The following UAP1L1 variants were observed in gnomAD, a reference collection of about 807,000 sequenced individuals.
The protein encoded by UAP1L1 is UDP-N-acetylhexosamine pyrophosphorylase-like protein 1.
A neutral mutation model predicts 45.3 loss-of-function variants in UAP1L1; 45 were observed. The ratio of observed to expected loss-of-function variants is 0.99; its 90% CI spans 0.78 to 1.27. The LOEUF is 1.27. Ranked by LOEUF, UAP1L1 falls within the 50% of genes most tolerant of loss-of-function variation. The pLI, the probability that UAP1L1 is intolerant of heterozygous loss-of-function variation, is 0.00. For missense variants in UAP1L1, 667 were observed against 694.0 expected, an observed-to-expected ratio of 0.96 and a Z score of 0.44; for synonymous variants, 323 against 303.9, an observed-to-expected ratio of 1.06 and a Z score of -0.65.
At position 137,078,956 on chromosome 9, in the gene UAP1L1, A is replaced by G. The variant is rs1832741470; in HGVS notation, c.671-20A>G. Reference sequence around the variant, plus strand: ...CCTGGCGGGAGCCCTCGCGATGCCCATTCCCTTCTCCGTCTGCAGACGGCA... The same window carrying G: ...CCTGGCGGGAGCCCTCGCGATGCCCGTTCCCTTCTCCGTCTGCAGACGGCA... On this transcript the variant is annotated intron_variant, in intron 3 of 8. Coordinates refer to ENST00000409858, the MANE Select transcript of UAP1L1 (RefSeq NM_207309.3). The G allele has an allele frequency of 1.3e-6, 2 of 1,574,186 alleles. No homozygotes were observed. Among genetic ancestry groups the G allele is most frequent in the South Asian group, 1.2e-5 (1 of 85,256 alleles).
In UAP1L1 at chr9:137,078,129, C is replaced by T. The variant is rs779767315; in HGVS notation, c.369C>T (p.Tyr123=). 1.5e-5 allele frequency: 24 copies of T among 1,550,132 alleles called. No individual in the cohort carries two copies. Among genetic ancestry groups the T allele is most frequent in the Middle Eastern group, 1.7e-4 (1 of 5,990 alleles). Residue 123 remains tyrosine, a synonymous_variant, in exon 2 of 9, where the codon TAC becomes TAT. Coordinates refer to ENST00000409858, the MANE Select transcript of UAP1L1 (RefSeq NM_207309.3). ...AGGGCACTCGCCTGGGCGTGACCTA[C>T]CCCAAGGGTATGTACCGTGTGGGGC... is the stretch of plus-strand genomic sequence containing the variant. ...GGQGTRLGVT[Y]PKGMYRVGLP...
Position 137,079,444 on chromosome 9 carries a change from C to T in UAP1L1, c.1032C>T (p.Val344=). The change falls in exon 5 of 9, where the codon GTC becomes GTT. Residue 344 remains valine, a synonymous_variant. Coordinates refer to ENST00000409858, the MANE Select transcript of UAP1L1 (RefSeq NM_207309.3). The part of the protein sequence containing the change: ...HFFTRGFLKA[V]TREFEPLLKP... ...TCACCCGAGGCTTCCTTAAGGCGGT[C>T]ACCAGGTGTGCGGCAGCAGGTGGCT... The T allele has an allele frequency of 6.3e-7, 1 of 1,584,814 alleles. No individual in the cohort carries two copies.
chr9:137,080,255 G>T, intron 6 of UAP1L1, 113 bp downstream of exon 6: 1 of 1,414,244 alleles, frequency 7.1e-7, no homozygotes, highest in Non-Finnish European at 9.8e-7. Flanking sequence ...AGGGCCCCGC[G>T]GGCAAGTCTC....
chr9:137,084,095 TGCTGTGCCTTAGGGCCCTTCTCATA>T lies in UAP1L1; in HGVS notation c.*1372_*1396del, dbSNP rs1175556715. ...GCTCTGCCCTTCTTACTGCAAACCA[TGCTGTGCCTTAGGGCCCTTCTCATA>T]GCTGTTCCTCATGGCCATGACTGGA... On this transcript the variant is annotated 3_prime_UTR_variant, in exon 9 of 9. Coordinates refer to ENST00000409858, the MANE Select transcript of UAP1L1 (RefSeq NM_207309.3). 1 of 152,368 alleles carries T rather than the reference TGCTGTGCCTTAGGGCCCTTCTCATA, an allele frequency of 6.6e-6. No homozygotes were observed. Among genetic ancestry groups the T allele is most frequent in the African/African-American group, 2.4e-5 (1 of 41,470 alleles). 9.4% of individuals were successfully genotyped at this position (152,368 alleles called of 1,614,324 possible).
At chr9:137,078,954 C>T (rs1474195138) in intron 3 of UAP1L1, 22 bp from the exon 4 acceptor site, 2 of 1,573,214 alleles carry the variant, frequency 1.3e-6, no homozygotes, top group African/African-American at 1.4e-5. Context: ...CTCGCGATGC[C>T]CATTCCCTTC....
intron 7 of UAP1L1, among the ~76,000 whole-genome samples, chr9:137,081,212 T>C (rs941036036): frequency 3.9e-5 from 6 of 152,072 alleles, no homozygotes; most frequent in African/African-American, 1.5e-4. Context: ...TTTTATTTAC[T>C]TTTTTGAGAT....
Position 137,078,262 on chromosome 9 carries a change from C to A in UAP1L1, c.494+8C>A, listed in dbSNP as rs1288397250. The A allele has an allele frequency of 8.5e-6, 13 of 1,534,100 alleles. No homozygotes were observed. The Admixed American group carries it at 1.0e-4, about 12-fold the overall frequency. On this transcript the variant is annotated splice_region_variant and intron_variant, in intron 2 of 8. Coordinates refer to ENST00000409858, the MANE Select transcript of UAP1L1 (RefSeq NM_207309.3). ...CCGCTGCACCGTCCCCTGGTGTGTC[C>A]TGCCTGCCCTACCTCGGCCCGGAGG... is the stretch of plus-strand genomic sequence containing the variant.
In UAP1L1 at chr9:137,077,745, G is replaced by A; in HGVS notation, c.213G>A (p.Leu71=). ...HGPPPDLAAR[L]RPLPPERVGR... ...CGCCGCCCGACTTGGCCGCGCGCCT[G>A]CGGCCCCTGCCCCCAGAGCGCGTGG... Residue 71 remains leucine (L), a synonymous_variant, in exon 1 of 9, where the codon CTG becomes CTA. Transcript: ENST00000409858. This position sits in a 1 kb window ranked among gnomAD's most constrained non-coding sequence, Gnocchi z 4.7. 2.5e-6 allele frequency: 3 copies of A among 1,207,806 alleles called. No homozygotes were observed. Among genetic ancestry groups the A allele is most frequent in the Non-Finnish European group, 3.1e-6 (3 of 972,790 alleles). The allele number at this position is 1,207,806 out of a possible 1,614,324, so 74.8% of individuals were successfully genotyped here. A position where few individuals can be genotyped will look rare whatever the true frequency, so the allele number is the denominator to read the frequency against.
At position 137,082,008 on chromosome 9, in the gene UAP1L1, A is replaced by G; in HGVS notation, c.1375A>G (p.Asn459Asp). 1 of 1,613,976 alleles carries G rather than the reference A, an allele frequency of 6.2e-7. No individual in the cohort carries two copies. The highest frequency in any genetic ancestry group is 2.2e-5 in the East Asian group (1 of 44,882). ...GTGGACTTTCCCTAGCTTGCCCCCA[A>G]ATGGAGACCCTCCGGCCATCTGTGA... ...WLPELPSLPP[N>D]GDPPAICEIS... Residue 459 changes from asparagine (N) to aspartate (D), a missense_variant, in exon 8 of 9, where the codon AAT (asparagine) becomes GAT (aspartate). Physicochemically the swap from Asn to Asp is conservative, Grantham distance 23. Coordinates refer to ENST00000409858, the MANE Select transcript of UAP1L1 (RefSeq NM_207309.3). This position sits in a 1 kb window ranked among gnomAD's most constrained non-coding sequence, Gnocchi z 5.7.
chr9:137,080,825 G>A lies in UAP1L1; in HGVS notation c.1315G>A (p.Gly439Arg), dbSNP rs763913675. The A allele has an allele frequency of 7.0e-5, 112 of 1,608,470 alleles. No individual in the cohort carries two copies. The highest frequency in any genetic ancestry group is 9.9e-5 in the South Asian group (9 of 90,976). The change falls in exon 7 of 9, where the codon GGG (glycine) becomes AGG (arginine). Residue 439 changes from glycine (G) to arginine (R), a missense_variant. By Grantham distance (125) the Gly-to-Arg change is moderately radical. Coordinates refer to ENST00000409858, the MANE Select transcript of UAP1L1 (RefSeq NM_207309.3). ...GCACTACCGGTGGGCTCTGCGGGCC[G>A]GGGCCCGCTTCCTGGATGCCCATGG... ...TQHYRWALRA[G>R]ARFLDAHGAW...
chr9:137,078,502 G>T lies in UAP1L1; in HGVS notation c.495G>T (p.Trp165Cys). The T allele has an allele frequency of 6.2e-7, 1 of 1,613,024 alleles. No individual in the cohort carries two copies. The highest frequency in any genetic ancestry group is 2.2e-5 in the East Asian group (1 of 44,886). The change falls in exon 3 of 9, where the codon TGG (tryptophan) becomes TGT (cysteine). Residue 165 changes from tryptophan (W) to cysteine (C), a missense_variant and splice_region_variant. Coordinates refer to ENST00000409858, the MANE Select transcript of UAP1L1 (RefSeq NM_207309.3). ...CCGGCTCACCGCGCCTCCCTTGCAG[G>T]TACGTCATGACCAGCGAGTTCACTC... ...ERHGTRCTVP[W>C]YVMTSEFTLG...
Position 137,082,798 on chromosome 9 carries a change from C to T in UAP1L1, c.*69C>T, listed in dbSNP as rs776659600. ...CGGCATCCTGGAAGTCCCGACTCCC[C>T]CCAGACCTGCCAGCCCCGGCGTCCT... On this transcript the variant is annotated 3_prime_UTR_variant, in exon 9 of 9. Transcript: ENST00000409858. The surrounding 1 kb of genome is among the most constrained non-coding windows in gnomAD (Gnocchi z 5.7). 9.1e-6 allele frequency: 12 copies of T among 1,320,452 alleles called. No individual in the cohort carries two copies. The East Asian group carries it at 1.3e-4, about 14-fold the overall frequency. 81.8% of individuals were successfully genotyped at this position (1,320,452 alleles called of 1,614,324 possible).
In UAP1L1 at chr9:137,082,594, C is replaced by A. The variant is rs1405017250; in HGVS notation, c.1432-43C>A. ...GTGTGGCCAGAGGGGCTGTGACCCG[C>A]CAAAAGGTGGGTACTTGGCCATTGT... On this transcript the variant is annotated intron_variant, in intron 8 of 8. Transcript: ENST00000409858. The surrounding 1 kb of genome is among the most constrained non-coding windows in gnomAD (Gnocchi z 5.7). The A allele has an allele frequency of 1.3e-5, 19 of 1,513,384 alleles. No individual in the cohort carries two copies. The highest frequency in any genetic ancestry group is 1.4e-5 in the Non-Finnish European group (16 of 1,113,124). The allele number at this position is 1,513,384 out of a possible 1,614,324, so 93.7% of individuals were successfully genotyped here. A position where few individuals can be genotyped will look rare whatever the true frequency, so the allele number is the denominator to read the frequency against.
Position 137,082,400 on chromosome 9 carries a change from A to G in UAP1L1, c.1432-237A>G. The G allele has an allele frequency of 6.8e-6, 4 of 588,310 alleles. No individual in the cohort carries two copies. Among genetic ancestry groups the G allele is most frequent in the Non-Finnish European group, 9.1e-6 (3 of 329,994 alleles). The allele number at this position is 588,310 out of a possible 1,614,324, so 36.4% of individuals were successfully genotyped here. A position where few individuals can be genotyped will look rare whatever the true frequency, so the allele number is the denominator to read the frequency against. On this transcript the variant is annotated intron_variant, in intron 8 of 8. Coordinates refer to ENST00000409858, the MANE Select transcript of UAP1L1 (RefSeq NM_207309.3). The surrounding 1 kb of genome is among the most constrained non-coding windows in gnomAD (Gnocchi z 5.7). ...GCTGCCCTTGCCCCTTTCTCTGGTC[A>G]GGTCAGACCTGTGCGTGACAGGAGG...
At position 137,078,157 on chromosome 9, in the gene UAP1L1, C is replaced by A. The variant is rs1564266006; in HGVS notation, c.397C>A (p.Pro133Thr). ...YPKGMYRVGL[P>T]SRKTLYQLQA... ...CAAGGGTATGTACCGTGTGGGGCTG[C>A]CCAGCCGGAAGACCCTGTACCAGCT... Residue 133 changes from proline to threonine, a missense_variant, in exon 2 of 9, where the codon CCC becomes ACC. Transcript: ENST00000409858. 2 of 1,549,930 alleles carry A rather than the reference C, an allele frequency of 1.3e-6. No homozygotes were observed. Among genetic ancestry groups the A allele is most frequent in the Non-Finnish European group, 1.7e-6 (2 of 1,146,848 alleles).
At position 137,077,689 on chromosome 9, in the gene UAP1L1, G is replaced by T; in HGVS notation, c.157G>T (p.Ala53Ser). The T allele has an allele frequency of 8.7e-7, 1 of 1,153,378 alleles. No homozygotes were observed. Among genetic ancestry groups the T allele is most frequent in the East Asian group, 4.3e-5 (1 of 23,016 alleles). 71.4% of individuals were successfully genotyped at this position (1,153,378 alleles called of 1,614,324 possible). ...PEALREHCRRAAEACARPHGP... is the reference protein window; with the variant it reads ...PEALREHCRRSAEACARPHGP... ...GGCGCTGCGCGAGCACTGCCGGCGG[G>T]CGGCGGAGGCCTGCGCGCGCCCCCA... Residue 53 changes from alanine to serine, a missense_variant, in exon 1 of 9, where the codon GCG becomes TCG. Ala to Ser is a moderately conservative substitution (Grantham distance 99, BLOSUM62 1). Coordinates refer to ENST00000409858, the MANE Select transcript of UAP1L1 (RefSeq NM_207309.3). The surrounding 1 kb of genome is among the most constrained non-coding windows in gnomAD (Gnocchi z 4.7).
rs1354219426 is a variant in UAP1L1 at position 137,082,406 on chromosome 9, G to A, written c.1432-231G>A. On this transcript the variant is annotated intron_variant, in intron 8 of 8. Transcript: ENST00000409858. The surrounding 1 kb of genome is among the most constrained non-coding windows in gnomAD (Gnocchi z 5.7). ...CTTGCCCCTTTCTCTGGTCAGGTCA[G>A]ACCTGTGCGTGACAGGAGGGTCCCC... 1 of 595,696 alleles carries A rather than the reference G, an allele frequency of 1.7e-6. No individual in the cohort carries two copies. The highest frequency in any genetic ancestry group is 3.0e-6 in the Non-Finnish European group (1 of 334,382). 36.9% of individuals were successfully genotyped at this position (595,696 alleles called of 1,614,324 possible). A position where few individuals can be genotyped will look rare whatever the true frequency, so the allele number is the denominator to read the frequency against.
Position 137,079,329 on chromosome 9 carries a change from A to G in UAP1L1, c.917A>G (p.Glu306Gly), listed in dbSNP as rs759022467. The change falls in exon 5 of 9, where the codon GAG becomes GGG. Residue 306 changes from glutamate (E) to glycine (G), a missense_variant. By Grantham distance (98) the Glu-to-Gly change is moderately conservative (BLOSUM62 -2). Coordinates refer to ENST00000409858, the MANE Select transcript of UAP1L1 (RefSeq NM_207309.3). ...GTGGACGGTGTCCCCCAGGTGGTGG[A>G]GTACAGCGAGATCAGTCCTGAGACC... ...CQVDGVPQVVEYSEISPETAQ... is the reference protein window; with the variant it reads ...CQVDGVPQVVGYSEISPETAQ... 1.2e-6 allele frequency: 2 copies of G among 1,613,076 alleles called. No homozygotes were observed. The highest frequency in any genetic ancestry group is 1.7e-6 in the Non-Finnish European group (2 of 1,179,888).
chr9:137,080,220 G>C, intron 6 of UAP1L1, 78 bp downstream of exon 6: 1 of 1,570,944 alleles, frequency 6.4e-7, no homozygotes, highest in Non-Finnish European at 8.7e-7. Context: ...GCAGCTGGTA[G>C]GGAAGTAGAG....
Sources: gnomAD v4.1 joint callset for allele counts (sites outside exome capture counted in the v4.1 genomes callset) on GRCh38, gnomAD v4.1.1 for gene constraint, Gnocchi (gnomAD v3.1) non-coding constraint, MANE v1.5 for transcripts, NCBI Gene and HGNC (gene_info 2026-07-23, HGNC 2026-07-21) for gene names.